Variants in CIITA observed in about 807,000 individuals in gnomAD.
CIITA encodes the protein MHC class II transactivator.
CIITA carries 72 observed loss-of-function variants against 115.1 expected under a neutral mutation model. The ratio of observed to expected loss-of-function variants is 0.63; its 90% CI spans 0.52 to 0.76. CIITA has a LOEUF of 0.76. Ranked by LOEUF, CIITA falls within the 30% of genes least tolerant of loss-of-function variation. CIITA has a pLI of 0.00. For missense variants in CIITA, 1,617 were observed against 1,463.8 expected (o/e 1.10, Z -1.71); for synonymous variants, 763 against 635.6 (o/e 1.20, Z -3.02).
rs766583598 is a variant in CIITA at position 10,922,413 on chromosome 16, G to A, written c.3240G>A (p.Gln1080=). 3 of 1,614,124 alleles carry A rather than the reference G, an allele frequency of 1.9e-6. No homozygotes were observed. Among genetic ancestry groups the A allele is most frequent in the Non-Finnish European group, 2.5e-6 (3 of 1,180,058 alleles). ...DMVSLRVMDV[Q]YNKFTAAGAQ... ...GGTGAGTTTCTCTTGCCAGCGTCCA[G>A]TACAACAAGTTCACGGCTGCCGGGG... The change falls in exon 18 of 20, where the codon CAG becomes CAA. Residue 1080 remains glutamine, a synonymous_variant. Transcript: ENST00000324288.
chr16:10,905,540 C>T (rs2039080118), intron 10 of CIITA, among the ~76,000 whole-genome samples: 1 of 150,926 alleles, frequency 6.6e-6, no homozygotes, highest in African/African-American at 2.4e-5. Context: ...GCAGGTGGAT[C>T]ACCTGAGGTC....
At position 10,907,045 on chromosome 16, in the gene CIITA, C is replaced by A; in HGVS notation, c.1553C>A (p.Ala518Glu). 6.2e-7 allele frequency: 1 copy of A among 1,607,514 alleles called. No individual in the cohort carries two copies. The change falls in exon 11 of 20, where the codon GCA (alanine) becomes GAA (glutamate). Residue 518 changes from alanine (A) to glutamate (E), a missense_variant. Physicochemically the swap from Ala to Glu is moderately radical, Grantham distance 107 (BLOSUM62 -1). Coordinates refer to ENST00000324288, the MANE Select transcript of CIITA (RefSeq NM_000246.4). This position sits in a 1 kb window ranked among gnomAD's most constrained non-coding sequence, Gnocchi z 5.0. ...DGFLHSTCGPAPAEPCSLRGL... is the reference protein window; with the variant it reads ...DGFLHSTCGPEPAEPCSLRGL... ...TTCCTGCACAGCACGTGCGGACCGG[C>A]ACCGGCGGAGCCCTGCTCCCTCCGG...
chr16:10,900,096 A>G (rs1168623260), intron 5 of CIITA, among the ~76,000 whole-genome samples: 1 of 152,034 alleles, frequency 6.6e-6, no homozygotes, highest in African/African-American at 2.4e-5. Flanking sequence ...ACAACAACCA[A>G]AAGAATATTC....
chr16:10,941,484 G>A lies in CIITA; in HGVS notation n.610G>A. 4 of 1,288,614 alleles carry A rather than the reference G, an allele frequency of 3.1e-6. No individual in the cohort carries two copies. Among genetic ancestry groups the A allele is most frequent in the Non-Finnish European group, 4.0e-6 (4 of 995,410 alleles). 79.8% of individuals were successfully genotyped at this position (1,288,614 alleles called of 1,614,324 possible). On this transcript the variant is annotated non_coding_transcript_exon_variant, in exon 2 of 2. Transcript: ENST00000573379. The surrounding 1 kb of genome is among the most constrained non-coding windows in gnomAD (Gnocchi z 6.4). ...GTGAACGGAGGAGAAGCCTGAGGGA[G>A]GGGTGTGTATCCGGCCTGGGAATTC...
At chr16:10,937,460 G>C (rs1336657316), downstream of CIITA, 1 of 152,432 alleles carries the variant, frequency 6.6e-6, no homozygotes, top group African/African-American at 2.4e-5. This position sits in a 1 kb window ranked among gnomAD's most constrained non-coding sequence, Gnocchi z 4.2. Flanking sequence ...GGAAGGAGCA[G>C]CTGTGGTTCC....
intron 1 of CIITA, among the ~76,000 whole-genome samples, chr16:10,867,414 G>C (rs2035160344): frequency 6.6e-6 from 1 of 151,752 alleles, no homozygotes; most frequent in African/African-American, 2.4e-5. Context: ...GAAAGACAGA[G>C]GGAGAGCGAG....
rs1002845288 is a variant in CIITA at position 10,923,623 on chromosome 16, C to G, written c.*23-255C>G. The stretch of plus-strand genomic sequence containing the variant: ...CTTCCTTTGGGGACTCCAAGCCTTC[C>G]CAGCTGCTGTTTCGGCTTGGTGGCT... On this transcript the variant is annotated intron_variant, in intron 19 of 19. Coordinates refer to ENST00000324288, the MANE Select transcript of CIITA (RefSeq NM_000246.4). This position sits in a 1 kb window ranked among gnomAD's most constrained non-coding sequence, Gnocchi z 5.2. Among the ~76,000 whole-genome samples, 2 of 152,168 alleles carry G rather than the reference C, an allele frequency of 1.3e-5. No homozygotes were observed. Among genetic ancestry groups the G allele is most frequent in the Non-Finnish European group, 2.9e-5 (2 of 68,024 alleles).
intron 1 of CIITA, among the ~76,000 whole-genome samples, chr16:10,878,175 G>C (rs546950861): frequency 6.6e-6 from 1 of 152,178 alleles, no homozygotes; most frequent in Non-Finnish European, 1.5e-5. Flanking sequence ...TTGTTGGATG[G>C]TTAAAGGGGT....
Position 10,909,016 on chromosome 16 carries a change from C to T in CIITA, c.2658-13C>T, listed in dbSNP as rs1249919785. 6.2e-7 allele frequency: 1 copy of T among 1,614,038 alleles called. No individual in the cohort carries two copies. Among genetic ancestry groups the T allele is most frequent in the Non-Finnish European group, 8.5e-7 (1 of 1,179,944 alleles). On this transcript the variant is annotated splice_polypyrimidine_tract_variant and intron_variant, in intron 11 of 19. Coordinates refer to ENST00000324288, the MANE Select transcript of CIITA (RefSeq NM_000246.4). ...TGGTCACCGTGCCTGGGTCTGAGGCCCTCCCTCCACAGGGCTGCCTTGAGC... is the reference window on the plus strand; with the variant it reads ...TGGTCACCGTGCCTGGGTCTGAGGCTCTCCCTCCACAGGGCTGCCTTGAGC...
rs2040898122 is a variant in CIITA, at chr16:10,933,717, T to C, written c.*9862T>C. The C allele has an allele frequency of 6.6e-6, 1 of 152,340 alleles. No individual in the cohort carries two copies. Among genetic ancestry groups the C allele is most frequent in the Admixed American group, 6.5e-5 (1 of 15,294 alleles). 9.4% of individuals were successfully genotyped at this position (152,340 alleles called of 1,614,324 possible). A position where few individuals can be genotyped will look rare whatever the true frequency, so the allele number is the denominator to read the frequency against. ...AACCTTCTCAAGGCTAGGGGCCTTC[T>C]GAAAGCAGCAGCACTTTTCCTCCTT... is the stretch of plus-strand genomic sequence containing the variant. On this transcript the variant is annotated 3_prime_UTR_variant, in exon 20 of 20. Transcript: ENST00000324288.
At chr16:10,918,998 T>C (rs1444436642) in intron 16 of CIITA, among the ~76,000 whole-genome samples, 2 of 151,900 alleles carry the variant, frequency 1.3e-5, no homozygotes, top group East Asian at 3.9e-4. Context: ...CCTGGTGTGG[T>C]CCCAGAGGTA....
chr16:10,878,867 C>A (rs1030701916), intron 1 of CIITA: 1 of 229,636 alleles, frequency 4.4e-6, no homozygotes, highest in Non-Finnish European at 8.6e-6. Flanking sequence ...TGCTTGGTTG[C>A]TCCACAGCCT....
At chr16:10,873,066 G>T (rs962992311), upstream of CIITA, among the ~76,000 whole-genome samples, 3 of 152,142 alleles carry the variant, frequency 2.0e-5, no homozygotes, top group Non-Finnish European at 1.5e-5. Context: ...TCAATCTCCT[G>T]GGCTCAAGAC....
At position 10,929,360 on chromosome 16, in the gene CIITA, G is replaced by A; in HGVS notation, c.*5505G>A. On this transcript the variant is annotated 3_prime_UTR_variant, in exon 20 of 20. Transcript: ENST00000324288. The surrounding 1 kb of genome is among the most constrained non-coding windows in gnomAD (Gnocchi z 4.3). ...TGGGTTCCTGTAAACATCCATCGCA[G>A]CTGCAAATAATCAGAAGCCAAGGCC... 1 of 985,928 alleles carries A rather than the reference G, an allele frequency of 1.0e-6. No homozygotes were observed. The highest frequency in any genetic ancestry group is 1.2e-6 in the Non-Finnish European group (1 of 829,968). 61.1% of individuals were successfully genotyped at this position (985,928 alleles called of 1,614,324 possible).
At chr16:10,906,214 T>C (rs1019215385) in intron 10 of CIITA, among the ~76,000 whole-genome samples, 1 of 151,752 alleles carries the variant, frequency 6.6e-6, no homozygotes, top group African/African-American at 2.4e-5. Flanking sequence ...CAAAAAATTA[T>C]CTGGGCATGG....
At chr16:10,903,297 G>A (rs1173739542) in intron 8 of CIITA, among the ~76,000 whole-genome samples, 1 of 152,184 alleles carries the variant, frequency 6.6e-6, no homozygotes, top group Non-Finnish European at 1.5e-5. Flanking sequence ...ACTTGTCTCA[G>A]GGAAGGTGTG....
At chr16:10,898,177 C>G (rs2038332131) in intron 3 of CIITA, among the ~76,000 whole-genome samples, 1 of 152,176 alleles carries the variant, frequency 6.6e-6, no homozygotes. Context: ...CCATGTACCC[C>G]TTTATATAGT....
chr16:10,908,891 G>A lies in CIITA; in HGVS notation c.2658-138G>A, dbSNP rs199476075. 1.9e-3 allele frequency: 2,408 copies of A among 1,268,358 alleles called. 6 individuals are homozygous for A. The highest frequency in any genetic ancestry group is 2.5e-3 in the Non-Finnish European group (2,205 of 889,396). The allele number at this position is 1,268,358 out of a possible 1,614,324, so 78.6% of individuals were successfully genotyped here. A position where few individuals can be genotyped will look rare whatever the true frequency, so the allele number is the denominator to read the frequency against. On this transcript the variant is annotated intron_variant, in intron 11 of 19. Coordinates refer to ENST00000324288, the MANE Select transcript of CIITA (RefSeq NM_000246.4). ...ATCAATAAAGGCTGGAGTGGTCATGGAAGGCTTTCTGGGAAAGGTAGAGGT... is the reference window on the plus strand; with the variant it reads ...ATCAATAAAGGCTGGAGTGGTCATGAAAGGCTTTCTGGGAAAGGTAGAGGT...
At chr16:10,884,546 C>T (rs1289283099) in intron 1 of CIITA, among the ~76,000 whole-genome samples, 1 of 152,116 alleles carries the variant, frequency 6.6e-6, no homozygotes, top group East Asian at 1.9e-4. Context: ...TCCCAAGTAG[C>T]CGAGACTACA....
Sources: gnomAD v4.1 joint callset for allele counts (sites outside exome capture counted in the v4.1 genomes callset) on GRCh38, gnomAD v4.1.1 for gene constraint, Gnocchi (gnomAD v3.1) non-coding constraint, MANE v1.5 for transcripts, NCBI Gene and HGNC (gene_info 2026-07-23, HGNC 2026-07-21) for gene names.